Variants in ABCF1 observed in about 807,000 individuals in gnomAD.
ABCF1 encodes the protein ATP-binding cassette sub-family F member 1.
Under a neutral mutation model 126.3 loss-of-function variants are expected in ABCF1, and 73 were observed. That is an observed-to-expected ratio of 0.58 (90% CI 0.48 to 0.70). The LOEUF (loss-of-function observed/expected upper bound fraction) is 0.70, where lower values mean the gene tolerates loss of function less well. Ranked by LOEUF, ABCF1 falls within the 30% of genes least tolerant of loss-of-function variation. The pLI is 0.00. For missense variants in ABCF1, 786 were observed against 1,057.5 expected (o/e 0.74, Z 3.56); for synonymous variants, 345 against 396.4 (o/e 0.87, Z 1.54).
chr6:30,571,864 C>T (rs187450280), intron 1 of ABCF1, among the ~76,000 whole-genome samples: 1 of 152,018 alleles, frequency 6.6e-6, no homozygotes, highest in African/African-American at 2.4e-5. Context: ...TTTGGACATC[C>T]GCCCCACCAT....
chr6:30,572,514 T>A (rs1452008855), intron 1 of ABCF1, among the ~76,000 whole-genome samples: 5 of 151,926 alleles, frequency 3.3e-5, no homozygotes, highest in Non-Finnish European at 7.4e-5. Context: ...AGCTGAGTAT[T>A]TTTTTTTGAG....
At chr6:30,571,674 TG>T (rs1224313793) in intron 1 of ABCF1, 114 bp downstream of exon 1, 7 of 1,145,994 alleles carry the variant, frequency 6.1e-6, no homozygotes, top group Non-Finnish European at 8.7e-6. Flanking sequence ...CGGGAGTTAC[TG>T]CGCATGCGTG....
rs546757680 is a variant in ABCF1, at chr6:30,589,276, G to A, written c.2032-412G>A. On this transcript the variant is annotated intron_variant, in intron 20 of 24. Transcript: ENST00000326195. ...CTTCCTTGGCCTCCCAAAGTGCTGA[G>A]ATTACAGGCATGAGCCACCGTGCCC... Among the ~76,000 whole-genome samples, 16 of 152,198 alleles carry A rather than the reference G, an allele frequency of 1.1e-4. No homozygotes were observed. In the East Asian group the frequency reaches 2.3e-3, roughly 22 times the overall value.
chr6:30,581,398 C>CTTTTTTTTTTTTTTTTTTTTT, intron 8 of ABCF1, among the ~76,000 whole-genome samples: 1 of 84,868 alleles, frequency 1.2e-5, no homozygotes. Flanking sequence ...GCTTCCTGAT[C>CTTTTTTTTTTTTTTTTTTTTT]TTTTTTTTTT....
At chr6:30,580,617 C>A in intron 8 of ABCF1, 98 bp downstream of exon 8, 1 of 726,630 alleles carries the variant, frequency 1.4e-6, no homozygotes. Context: ...ATTATCCCAG[C>A]AAACCTTTAT....
chr6:30,585,475 C>T, intron 15 of ABCF1, 83 bp from the exon 16 acceptor site: 2 of 1,596,070 alleles, frequency 1.3e-6, no homozygotes, highest in Non-Finnish European at 1.7e-6. Flanking sequence ...CTTTCCCTCC[C>T]AGCCCCCGTT....
intron 20 of ABCF1, among the ~76,000 whole-genome samples, chr6:30,587,791 G>A (rs1232337225): frequency 6.6e-6 from 1 of 150,632 alleles, no homozygotes. Flanking sequence ...AGAGGTTCCA[G>A]TTAGCCGAGG....
chr6:30,577,334 G>A, intron 1 of ABCF1, 75 bp from the exon 2 acceptor site: 1 of 1,400,508 alleles, frequency 7.1e-7, no homozygotes, highest in Non-Finnish European at 1.0e-6. Flanking sequence ...AGAGGCTACA[G>A]AGATCTTTGC....
chr6:30,590,786 C>A lies in ABCF1; in HGVS notation c.*85C>A. On this transcript the variant is annotated 3_prime_UTR_variant, in exon 25 of 25. Transcript: ENST00000326195. ...GTCTCCCCTCCTCTGAAGACTGCCT[C>A]TGGCCTGCAGCTGACCTGGCAACCA... 6.9e-7 allele frequency: 1 copy of A among 1,458,992 alleles called. No homozygotes were observed. Among genetic ancestry groups the A allele is most frequent in the Non-Finnish European group, 9.2e-7 (1 of 1,085,360 alleles). 90.4% of individuals were successfully genotyped at this position (1,458,992 alleles called of 1,614,324 possible). A position where few individuals can be genotyped will look rare whatever the true frequency, so the allele number is the denominator to read the frequency against.
At position 30,584,391 on chromosome 6, in the gene ABCF1, CGT is replaced by C. The variant is rs1283018262; in HGVS notation, c.1243-22_1243-21del. ...CTTGGGGGTTCCTGGGACCCTCAGACGTGTGTCCTCTTCTCCCTCCTCCCAGG... is the reference window on the plus strand; with the variant it reads ...CTTGGGGGTTCCTGGGACCCTCAGACGTGTCCTCTTCTCCCTCCTCCCAGG... On this transcript the variant is annotated intron_variant, in intron 13 of 24. Coordinates refer to ENST00000326195, the MANE Select transcript of ABCF1 (RefSeq NM_001025091.2). The surrounding 1 kb of genome is among the most constrained non-coding windows in gnomAD (Gnocchi z 4.6). The C allele has an allele frequency of 6.2e-7, 1 of 1,612,982 alleles. No individual in the cohort carries two copies. Among genetic ancestry groups the C allele is most frequent in the African/African-American group, 1.3e-5 (1 of 74,916 alleles).
In ABCF1 at chr6:30,586,922, G is replaced by A. The variant is rs1349625636; in HGVS notation, c.2031+211G>A. Among the ~76,000 whole-genome samples, 1 of 152,024 alleles carries A rather than the reference G, an allele frequency of 6.6e-6. No individual in the cohort carries two copies. The highest frequency in any genetic ancestry group is 2.4e-5 in the African/African-American group (1 of 41,384). ...TAAGAGAATTAAGATAGAACTAGGG[G>A]GCACACCCACGTGTTTTGGTTATAC... On this transcript the variant is annotated intron_variant, in intron 20 of 24. Coordinates refer to ENST00000326195, the MANE Select transcript of ABCF1 (RefSeq NM_001025091.2). This position sits in a 1 kb window ranked among gnomAD's most constrained non-coding sequence, Gnocchi z 4.9.
rs1802361843 is a variant in ABCF1, at chr6:30,590,034, T to C, written c.2233+60T>C. 2.5e-6 allele frequency: 4 copies of C among 1,606,190 alleles called. No individual in the cohort carries two copies. In the East Asian group the frequency reaches 8.9e-5, roughly 36 times the overall value. On this transcript the variant is annotated intron_variant, in intron 22 of 24. Coordinates refer to ENST00000326195, the MANE Select transcript of ABCF1 (RefSeq NM_001025091.2). ...CCTTATCATTCATGTCTACAAACTG[T>C]ACCTAGAGGAACCGAGAATGAGGGA...
Position 30,583,826 on chromosome 6 carries a change from C to G in ABCF1, c.1038C>G (p.Leu346=), listed in dbSNP as rs147296996. 238 of 1,614,206 alleles carry G rather than the reference C, an allele frequency of 1.5e-4. 1 individual carries two copies. In the African/African-American group the frequency reaches 2.5e-3, roughly 17 times the overall value. The change falls in exon 12 of 25, where the codon CTC becomes CTG. Residue 346 remains leucine, a synonymous_variant. Coordinates refer to ENST00000326195, the MANE Select transcript of ABCF1 (RefSeq NM_001025091.2). This position sits in a 1 kb window ranked among gnomAD's most constrained non-coding sequence, Gnocchi z 4.1. ...CCAGCAAGGGCAAGACCACACTCCT[C>G]AAGCACATTGCCAACCGAGCCCTGA... ...GPNGKGKTTL[L]KHIANRALSI...
intron 6 of ABCF1, among the ~76,000 whole-genome samples, chr6:30,579,540 C>T (rs1801694874): frequency 6.6e-6 from 1 of 150,768 alleles, no homozygotes; most frequent in Non-Finnish European, 1.5e-5. Context: ...TCACTGCAAC[C>T]TCCGCCTCCC....
At position 30,574,345 on chromosome 6, in the gene ABCF1, C is replaced by G. The variant is rs924067091; in HGVS notation, c.73+2785C>G. Among the ~76,000 whole-genome samples, 1 of 152,050 alleles carries G rather than the reference C, an allele frequency of 6.6e-6. No homozygotes were observed. Among genetic ancestry groups the G allele is most frequent in the Non-Finnish European group, 1.5e-5 (1 of 68,006 alleles). ...TAGAGATGAGGTCTTGCTATGTTGC[C>G]CAGGCTAATCTTGAACCTCTGGCCT... On this transcript the variant is annotated intron_variant, in intron 1 of 24. Coordinates refer to ENST00000326195, the MANE Select transcript of ABCF1 (RefSeq NM_001025091.2). This position sits in a 1 kb window ranked among gnomAD's most constrained non-coding sequence, Gnocchi z 4.3.
At position 30,590,725 on chromosome 6, in the gene ABCF1, G is replaced by A. The variant is rs757629622; in HGVS notation, c.*24G>A. ...GAGCTTTCCTTCCCAGAAGTCTCCCGAGAGACATATTTGTGTGGCCTAGAA... is the reference window on the plus strand; with the variant it reads ...GAGCTTTCCTTCCCAGAAGTCTCCCAAGAGACATATTTGTGTGGCCTAGAA... On this transcript the variant is annotated 3_prime_UTR_variant, in exon 25 of 25. Coordinates refer to ENST00000326195, the MANE Select transcript of ABCF1 (RefSeq NM_001025091.2). 42 of 1,588,132 alleles carry A rather than the reference G, an allele frequency of 2.6e-5. No individual in the cohort carries two copies. Among genetic ancestry groups the A allele is most frequent in the Admixed American group, 7.0e-5 (4 of 56,910 alleles).
intron 8 of ABCF1, 51 bp from the exon 9 acceptor site, chr6:30,582,343 A>G: frequency 8.1e-7 from 1 of 1,231,920 alleles, no homozygotes; most frequent in South Asian, 1.3e-5. Context: ...GGCGTGAGCC[A>G]CCGCGCCCAG....
intron 15 of ABCF1, 77 bp downstream of exon 15, chr6:30,585,420 G>A (rs1802063828): frequency 6.3e-7 from 1 of 1,585,252 alleles, no homozygotes; most frequent in South Asian, 1.1e-5. Context: ...TTTTCCTTTA[G>A]CCCTTCTCCA....
Position 30,583,933 on chromosome 6 carries a change from T to G in ABCF1, c.1102+43T>G. ...AAAAGGGGCTTGGTGGGGTGGGCAG[T>G]TGGGTAGAAAAGCCAGCCAGCCAAG... On this transcript the variant is annotated intron_variant, in intron 12 of 24. Coordinates refer to ENST00000326195, the MANE Select transcript of ABCF1 (RefSeq NM_001025091.2). The surrounding 1 kb of genome is among the most constrained non-coding windows in gnomAD (Gnocchi z 4.1). 4 of 1,601,510 alleles carry G rather than the reference T, an allele frequency of 2.5e-6. No individual in the cohort carries two copies. In the East Asian group the frequency reaches 8.9e-5, roughly 36 times the overall value.
Sources: gnomAD v4.1 joint callset for allele counts (sites outside exome capture counted in the v4.1 genomes callset) on GRCh38, gnomAD v4.1.1 for gene constraint, Gnocchi (gnomAD v3.1) non-coding constraint, MANE v1.5 for transcripts, NCBI Gene and HGNC (gene_info 2026-07-23, HGNC 2026-07-21) for gene names.